PREPL: variants seen among roughly 807,000 people sequenced by gnomAD.
PREPL encodes prolyl endopeptidase like, also known as prolyl endopeptidase-like.
In PREPL, 77 loss-of-function variants were observed where a neutral mutation model predicts 70.6. The ratio of observed to expected loss-of-function variants is 1.09; its 90% confidence interval spans 0.91 to 1.32. The LOEUF is 1.32. Among genes scored for constraint, PREPL ranks in the 40% most tolerant of loss-of-function variants. PREPL has a pLI of 0.00. For missense variants in PREPL, 1,002 were observed against 778.2 expected (o/e 1.29, Z -3.42); for synonymous variants, 315 against 264.8 (o/e 1.19, Z -1.84).
At chr2:44,338,570 A>G in intron 6 of PREPL, 34 bp from the exon 7 acceptor site, 1 of 1,528,952 alleles carries the variant, frequency 6.5e-7, no homozygotes, top group Non-Finnish European at 8.9e-7. Context: ...CATATAGGTA[A>G]GAAAACACGA....
At chr2:44,348,138 C>A (rs528481553) in intron 1 of PREPL, among the ~76,000 whole-genome samples, 3 of 152,248 alleles carry the variant, frequency 2.0e-5, no homozygotes, top group African/African-American at 7.2e-5. Context: ...AATCTTCCTG[C>A]CTCAGCCTCC....
At chr2:44,334,971 G>T (rs570398233) in intron 7 of PREPL, among the ~76,000 whole-genome samples, 1 of 152,170 alleles carries the variant, frequency 6.6e-6, no homozygotes, top group Non-Finnish European at 1.5e-5. Flanking sequence ...TGTCTTTCGT[G>T]TATGGATGGC....
intron 7 of PREPL, among the ~76,000 whole-genome samples, chr2:44,335,872 C>T (rs887461034): frequency 1.6e-4 from 24 of 151,510 alleles, no homozygotes; most frequent in African/African-American, 5.8e-4. Flanking sequence ...AAAACCCCAA[C>T]ACCATAAAAA....
intron 8 of PREPL, among the ~76,000 whole-genome samples, chr2:44,331,880 A>T (rs1005604385): frequency 1.3e-5 from 2 of 152,182 alleles, no homozygotes; most frequent in Non-Finnish European, 2.9e-5. Context: ...TTTTTCTTAA[A>T]ATCAACTTTA....
chr2:44,338,588 A>C, intron 6 of PREPL, 52 bp from the exon 7 acceptor site: 1 of 1,427,518 alleles, frequency 7.0e-7, no homozygotes, highest in Non-Finnish European at 9.5e-7. Flanking sequence ...CGAAGGCTGC[A>C]GCATCCAGAG....
intron 10 of PREPL, among the ~76,000 whole-genome samples, chr2:44,325,588 C>G (rs545328374): frequency 6.6e-6 from 1 of 152,180 alleles, no homozygotes; most frequent in Non-Finnish European, 1.5e-5. Context: ...ATATCCTTCT[C>G]ATCATTTCCT....
chr2:44,320,571 G>T lies in PREPL; in HGVS notation c.*785C>A. ...CCTTCATCGCCAAACAGCTTTCAGA[G>T]ATAGATGCTTTGTTTCCAATCGAGC... On this transcript the variant is annotated 3_prime_UTR_variant, in exon 14 of 14. Transcript: ENST00000409411. 1 of 1,614,056 alleles carries T rather than the reference G, an allele frequency of 6.2e-7. No homozygotes were observed. The highest frequency in any genetic ancestry group is 8.5e-7 in the Non-Finnish European group (1 of 1,179,944).
Position 44,338,499 on chromosome 2 carries a change from T to A in PREPL, c.740A>T (p.Asn247Ile). ...CTTCATTGTAAAAAATAAATCCCAA[T>A]TCATAATTGCAGGGGTATCAGCCGC... is the stretch of plus-strand genomic sequence containing the variant. ...RTAADTPAIMNWDLFFTMKRN... is the reference protein window; with the variant it reads ...RTAADTPAIMIWDLFFTMKRN... Residue 247 changes from asparagine to isoleucine, a missense_variant, in exon 7 of 14, where the codon AAT (asparagine) becomes ATT (isoleucine). By Grantham distance (149) the Asn-to-Ile change is moderately radical (BLOSUM62 -3). Coordinates refer to ENST00000409411, the MANE Select transcript of PREPL (RefSeq NM_001171613.2). 1 of 1,612,600 alleles carries A rather than the reference T, an allele frequency of 6.2e-7. No homozygotes were observed. The highest frequency in any genetic ancestry group is 1.1e-5 in the South Asian group (1 of 90,740).
rs1368260886 is a variant in PREPL at position 44,319,240 on chromosome 2, A to G, written c.*2116T>C. The stretch of plus-strand genomic sequence containing the variant: ...AATAACAACTATCACCCCAGTAAAC[A>G]TGGCTGGCAAGAATACAATTAAATG... On this transcript the variant is annotated 3_prime_UTR_variant, in exon 14 of 14. Coordinates refer to ENST00000409411, the MANE Select transcript of PREPL (RefSeq NM_001171613.2). The G allele has an allele frequency of 1.3e-5, 2 of 152,630 alleles. No individual in the cohort carries two copies. Among genetic ancestry groups the G allele is most frequent in the Non-Finnish European group, 2.9e-5 (2 of 68,026 alleles). 9.5% of individuals were successfully genotyped at this position (152,630 alleles called of 1,614,324 possible).
rs148092524 is a variant in PREPL at position 44,322,730 on chromosome 2, C to T, written c.1753+1G>A. On this transcript the variant is annotated splice_donor_variant, in intron 12 of 13. Coordinates refer to ENST00000409411, the MANE Select transcript of PREPL (RefSeq NM_001171613.2). LOFTEE classifies it high-confidence loss of function. Reference sequence around the variant, plus strand: ...TTCCCTGCTTCTAGGGGGTCTCCTACCTTCACCTGTGTCCTTAGCATGCTC... The same window carrying T: ...TTCCCTGCTTCTAGGGGGTCTCCTATCTTCACCTGTGTCCTTAGCATGCTC... 2 of 1,612,816 alleles carry T rather than the reference C, an allele frequency of 1.2e-6. No individual in the cohort carries two copies. Among genetic ancestry groups the T allele is most frequent in the South Asian group, 2.2e-5 (2 of 90,970 alleles).
At chr2:44,339,985 A>C (rs1675038904) in intron 5 of PREPL, among the ~76,000 whole-genome samples, 1 of 152,024 alleles carries the variant, frequency 6.6e-6, no homozygotes, top group Non-Finnish European at 1.5e-5. Context: ...TTACTTTTTA[A>C]ATTTTTCCTT....
rs997024533 is a variant in PREPL, at chr2:44,342,467, A to C, written c.435T>G (p.Thr145=). 8 of 1,613,354 alleles carry C rather than the reference A, an allele frequency of 5.0e-6. No homozygotes were observed. In the African/African-American group the frequency reaches 1.1e-4, roughly 22 times the overall value. Residue 145 remains threonine (T), a synonymous_variant, in exon 5 of 14, where the codon ACT becomes ACG. Transcript: ENST00000409411. ...GTTCATTACGTTTGTTATCACCAAA[A>C]GTGGCTCGATATACGTCATGACAGC... The part of the protein sequence containing the change: ...NLRCHDVYRA[T]FGDNKRNERF...
intron 1 of PREPL, among the ~76,000 whole-genome samples, 179 bp from the exon 2 acceptor site, chr2:44,346,569 T>C (rs962838927): frequency 6.6e-6 from 1 of 152,164 alleles, no homozygotes; most frequent in Admixed American, 6.5e-5. Context: ...TAAAATGATC[T>C]TTTTCGTTAA....
intron 1 of PREPL, among the ~76,000 whole-genome samples, chr2:44,350,500 G>A (rs137935126): frequency 2.7e-5 from 4 of 150,326 alleles, no homozygotes; most frequent in Non-Finnish European, 6.0e-5. Flanking sequence ...CAAAATACCT[G>A]AAATTAATTC....
intron 5 of PREPL, among the ~76,000 whole-genome samples, chr2:44,340,513 C>A (rs1397307114): frequency 6.6e-6 from 1 of 152,132 alleles, no homozygotes; most frequent in Admixed American, 6.5e-5. Flanking sequence ...GGTAAAATTT[C>A]TTCTGTATTG....
intron 2 of PREPL, 30 bp from the exon 3 acceptor site, chr2:44,344,616 T>C (rs1157402248): frequency 2.0e-6 from 3 of 1,492,436 alleles, no homozygotes; most frequent in African/African-American, 2.8e-5. Context: ...GTTTACTTAA[T>C]AATAATTTAA....
intron 1 of PREPL, chr2:44,356,179 C>T (rs527695208): frequency 6.6e-6 from 1 of 152,208 alleles, no homozygotes; most frequent in African/African-American, 2.4e-5. Flanking sequence ...CAAACATTTC[C>T]AATTTCTAAA....
In PREPL at chr2:44,342,565, A is replaced by AT. The variant is rs1675342977; in HGVS notation, c.350-14_350-13insA. The AT allele has an allele frequency of 2.2e-6, 3 of 1,364,364 alleles. No individual in the cohort carries two copies. In the Admixed American group the frequency reaches 7.8e-5, roughly 35 times the overall value. The allele number at this position is 1,364,364 out of a possible 1,614,324, so 84.5% of individuals were successfully genotyped here. A position where few individuals can be genotyped will look rare whatever the true frequency, so the allele number is the denominator to read the frequency against. On this transcript the variant is annotated splice_polypyrimidine_tract_variant and intron_variant, in intron 4 of 13. Coordinates refer to ENST00000409411, the MANE Select transcript of PREPL (RefSeq NM_001171613.2). Reference sequence around the variant, plus strand: ...TCCTTTACCCATTCTGAAAGAAAATAATGAGATAATTATACATAATCACCT... The same window carrying AT: ...TCCTTTACCCATTCTGAAAGAAAATATATGAGATAATTATACATAATCACCT...
intron 12 of PREPL, 128 bp from the exon 13 acceptor site, chr2:44,322,028 C>T: frequency 1.1e-6 from 1 of 917,336 alleles, no homozygotes; most frequent in Admixed American, 3.0e-5. Context: ...AAAGCAAAAA[C>T]CACCATCATC....
Sources: gnomAD v4.1 joint callset for allele counts (sites outside exome capture counted in the v4.1 genomes callset) on GRCh38, gnomAD v4.1.1 for gene constraint, MANE v1.5 for transcripts, NCBI Gene and HGNC (gene_info 2026-07-23, HGNC 2026-07-21) for gene names.